Variants in ZNF148 observed in about 807,000 individuals in gnomAD.
ZNF148 encodes the protein Beta-Enolase Repressor Factor-1.
A neutral mutation model predicts 67.7 loss-of-function variants in ZNF148; 7 were observed. The ratio of observed to expected loss-of-function variants is 0.10; its 90% confidence interval spans 0.06 to 0.19. The LOEUF (loss-of-function observed/expected upper bound fraction) is 0.19, where lower values mean the gene tolerates loss of function less well. Among genes scored for constraint, ZNF148 ranks in the 10% least tolerant of loss-of-function variants. The probability of loss-of-function intolerance (pLI) is 1.00; values close to 1 mark genes in which losing one functional copy is unlikely to be tolerated. For synonymous variants in ZNF148, 333 were observed against 330.7 expected (o/e 1.01, Z -0.08); for missense variants, 583 against 947.1 (o/e 0.62, Z 5.05).
At chr3:125,257,382 C>T (rs1285529450) in intron 7 of ZNF148, among the ~76,000 whole-genome samples, 1 of 151,760 alleles carries the variant, frequency 6.6e-6, no homozygotes, top group Non-Finnish European at 1.5e-5. Flanking sequence ...GGCGAAACCC[C>T]GTCTCTACTA....
chr3:125,306,041 A>C (rs1315305505), intron 4 of ZNF148, among the ~76,000 whole-genome samples: 1 of 152,186 alleles, frequency 6.6e-6, no homozygotes, highest in Non-Finnish European at 1.5e-5. Flanking sequence ...GATATCTGGA[A>C]AACTTCAAAA....
At chr3:125,319,000 T>C (rs1454974176) in intron 3 of ZNF148, among the ~76,000 whole-genome samples, 1 of 151,684 alleles carries the variant, frequency 6.6e-6, no homozygotes, top group African/African-American at 2.4e-5. Context: ...CTGCTCCCAC[T>C]CCCAACCCCC....
At chr3:125,374,204 C>A (rs919005282) in intron 1 of ZNF148, among the ~76,000 whole-genome samples, 1 of 152,124 alleles carries the variant, frequency 6.6e-6, no homozygotes, top group Non-Finnish European at 1.5e-5. Flanking sequence ...GTGACCCCAA[C>A]CACGGCCCAG....
intron 7 of ZNF148, among the ~76,000 whole-genome samples, chr3:125,269,001 A>C (rs1937604698): frequency 6.6e-6 from 1 of 152,104 alleles, no homozygotes; most frequent in Admixed American, 6.5e-5. Flanking sequence ...AACAAGCAAA[A>C]AACAACCCCA....
At chr3:125,261,443 G>GT (rs1300316404) in intron 7 of ZNF148, among the ~76,000 whole-genome samples, 6 of 152,144 alleles carry the variant, frequency 3.9e-5, no homozygotes, top group Non-Finnish European at 7.4e-5. Flanking sequence ...TTTAGCCAAC[G>GT]TAAGTACTAT....
chr3:125,347,384 T>A (rs1185077139), intron 1 of ZNF148, among the ~76,000 whole-genome samples: 1 of 151,990 alleles, frequency 6.6e-6, no homozygotes, highest in Non-Finnish European at 1.5e-5. Flanking sequence ...TCCAAAACGA[T>A]CTTGAAAGAA....
intron 1 of ZNF148, among the ~76,000 whole-genome samples, chr3:125,365,993 T>C (rs1269692931): frequency 6.6e-6 from 1 of 152,150 alleles, no homozygotes. Context: ...TTCTAACTGG[T>C]CTTTTCACAT....
At chr3:125,282,963 G>T (rs1938469782) in intron 5 of ZNF148, among the ~76,000 whole-genome samples, 1 of 151,974 alleles carries the variant, frequency 6.6e-6, no homozygotes, top group Admixed American at 6.6e-5. Flanking sequence ...AAACACTATA[G>T]GTTTTTATCA....
intron 7 of ZNF148, among the ~76,000 whole-genome samples, chr3:125,242,342 C>T (rs769194655): frequency 5.9e-5 from 9 of 152,156 alleles, no homozygotes; most frequent in East Asian, 5.8e-4. Context: ...CTCATATGGC[C>T]GGGTGCAGTG....
At chr3:125,260,050 C>T (rs1273192549) in intron 7 of ZNF148, among the ~76,000 whole-genome samples, 1 of 152,146 alleles carries the variant, frequency 6.6e-6, no homozygotes, top group East Asian at 1.9e-4. Context: ...GTTGGTGGAG[C>T]AGTTGGAACA....
intron 7 of ZNF148, among the ~76,000 whole-genome samples, chr3:125,270,701 T>C (rs1052602638): frequency 4.6e-5 from 7 of 151,882 alleles, no homozygotes; most frequent in African/African-American, 1.7e-4. Context: ...ATAAGAAAAA[T>C]AAGAAACTAC....
At chr3:125,362,054 G>C (rs1333849767) in intron 1 of ZNF148, among the ~76,000 whole-genome samples, 1 of 152,144 alleles carries the variant, frequency 6.6e-6, no homozygotes, top group Non-Finnish European at 1.5e-5. Flanking sequence ...CATCTCCCCA[G>C]TGATAGACAA....
intron 7 of ZNF148, among the ~76,000 whole-genome samples, chr3:125,236,794 C>A (rs1225864779): frequency 6.6e-6 from 1 of 152,028 alleles, no homozygotes; most frequent in Admixed American, 6.6e-5. Context: ...GCTTGCCACT[C>A]AAAATTAGTA....
At chr3:125,242,072 T>C (rs1009021553) in intron 7 of ZNF148, among the ~76,000 whole-genome samples, 4 of 152,218 alleles carry the variant, frequency 2.6e-5, no homozygotes, top group African/African-American at 9.6e-5. Flanking sequence ...TGACTTGAAA[T>C]AGCTTTATTA....
At position 125,331,171 on chromosome 3, in the gene ZNF148, G is replaced by A. The variant is rs1314460921; in HGVS notation, c.-166C>T. The A allele has an allele frequency of 1.5e-5, 6 of 398,314 alleles. No individual in the cohort carries two copies. Among genetic ancestry groups the A allele is most frequent in the African/African-American group, 4.1e-5 (2 of 48,572 alleles). 24.7% of individuals were successfully genotyped at this position (398,314 alleles called of 1,614,324 possible). ...ATGCTGAATTACCTCCATTAAATAC[G>A]TTAGGCAAACGCCCATCCCGCCAGA... On this transcript the variant is annotated 5_prime_UTR_variant, in exon 2 of 9. In the 5' UTR this introduces an upstream ATG that the reference lacks. Transcript: ENST00000360647.
chr3:125,271,638 G>A (rs1319301482), intron 7 of ZNF148, among the ~76,000 whole-genome samples: 1 of 152,152 alleles, frequency 6.6e-6, no homozygotes, highest in East Asian at 1.9e-4. Context: ...CTGTAAAACA[G>A]GAATACCAGT....
chr3:125,289,333 T>C (rs9850300), intron 4 of ZNF148, among the ~76,000 whole-genome samples: 117,262 of 152,128 alleles, frequency 0.77, 45,741 homozygotes, highest in African/African-American at 0.85. Flanking sequence ...AATTTCATAC[T>C]GACAAAATAA....
Position 125,313,552 on chromosome 3 carries a change from C to T in ZNF148, c.89G>A (p.Gly30Asp), listed in dbSNP as rs1352721512. Reference sequence around the variant, plus strand: ...CACAGTAGACTGGCCAGACACTCCACCCATTACAACCATTGTCCTGGAAGA... The same window carrying T: ...CACAGTAGACTGGCCAGACACTCCATCCATTACAACCATTGTCCTGGAAGA... ...MQSSRTMVVM[G>D]GVSGQSTVSG... The change falls in exon 4 of 9, where the codon GGT (glycine) becomes GAT (aspartate). Residue 30 changes from glycine to aspartate, a missense_variant. Physicochemically the swap from Gly to Asp is moderately conservative, Grantham distance 94. Around this residue, in one of 5 missense-constraint regions of ZNF148, gnomAD observed 150 missense variants for 202.5 expected, o/e 0.74. Coordinates refer to ENST00000360647, the MANE Select transcript of ZNF148 (RefSeq NM_021964.3). The T allele has an allele frequency of 4.3e-6, 7 of 1,614,066 alleles. No individual in the cohort carries two copies. In the East Asian group the frequency reaches 1.1e-4, roughly 26 times the overall value.
At chr3:125,311,555 C>T (rs1579772676) in intron 4 of ZNF148, among the ~76,000 whole-genome samples, 1 of 152,074 alleles carries the variant, frequency 6.6e-6, no homozygotes, top group Non-Finnish European at 1.5e-5. Flanking sequence ...TGTAAATCTG[C>T]TTTGTCCTGA....
Sources: gnomAD v4.1 joint callset for allele counts (sites outside exome capture counted in the v4.1 genomes callset) on GRCh38, gnomAD v4.1.1 for gene constraint, gnomAD v4.1.1 regional missense constraint, MANE v1.5 for transcripts, NCBI Gene and HGNC (gene_info 2026-07-23, HGNC 2026-07-21) for gene names.